TOMM20L: variants seen among roughly 807,000 people sequenced by gnomAD.
The protein encoded by TOMM20L is translocase of outer mitochondrial membrane 20 like.
A neutral mutation model predicts 20.4 loss-of-function variants in TOMM20L; 19 were observed. That is an observed-to-expected ratio of 0.93 (90% confidence interval 0.65 to 1.36). TOMM20L has a LOEUF of 1.36. Ranked by LOEUF, TOMM20L falls within the 40% of genes most tolerant of loss-of-function variation. The pLI, the probability that TOMM20L is intolerant of heterozygous loss-of-function variation, is 0.00. For synonymous variants in TOMM20L, 75 were observed against 79.6 expected (o/e 0.94, Z 0.30); for missense variants, 218 against 203.7 (o/e 1.07, Z -0.43).
At chr14:58,411,854 T>C (rs1346846570), downstream of TOMM20L, 3 of 1,541,856 alleles carry the variant, frequency 1.9e-6, no homozygotes, top group Non-Finnish European at 2.7e-6. Flanking sequence ...GTGGCATTAG[T>C]AGCACCTTAC....
intron 4 of TOMM20L, 39 bp downstream of exon 4, chr14:58,407,507 G>GT: frequency 6.3e-7 from 1 of 1,579,956 alleles, no homozygotes; most frequent in Non-Finnish European, 8.6e-7. Flanking sequence ...AATGTACACA[G>GT]TAAATAGCTA....
Position 58,405,956 on chromosome 14 carries a change from T to A in TOMM20L, c.263-1370T>A, listed in dbSNP as rs147016563. Among the ~76,000 whole-genome samples, 183 of 152,328 alleles carry A rather than the reference T, an allele frequency of 1.2e-3. 1 individual carries two copies. The Middle Eastern group carries it at 0.014, about 11-fold the overall frequency. On this transcript the variant is annotated intron_variant, in intron 3 of 4. Coordinates refer to ENST00000360945, the MANE Select transcript of TOMM20L (RefSeq NM_207377.3). ...GGAACCCAGGTGTCAATATTTTTTT[T>A]AAAAATCTCCCTGGGTTACTAAAAC... is the stretch of plus-strand genomic sequence containing the variant.
At chr14:58,410,971 G>T, downstream of TOMM20L, 7 of 1,514,490 alleles carry the variant, frequency 4.6e-6, no homozygotes, top group South Asian at 1.2e-5. Flanking sequence ...TTTAGTATTT[G>T]GTTTTTAAAA....
chr14:58,398,595 G>A (rs1278168081), intron 2 of TOMM20L: 1 of 152,082 alleles, frequency 6.6e-6, no homozygotes. Flanking sequence ...TGGTTCCAGT[G>A]TGGAGAAAGG....
the TOMM20L span, among the ~76,000 whole-genome samples, chr14:58,415,897 G>A: frequency 1.6e-4 from 25 of 152,012 alleles, no homozygotes; most frequent in Admixed American, 1.3e-3. Context: ...AACCTACATC[G>A]ACACATAATA....
chr14:58,406,279 G>A (rs996584237), intron 3 of TOMM20L, among the ~76,000 whole-genome samples: 7 of 152,162 alleles, frequency 4.6e-5, no homozygotes, highest in Non-Finnish European at 1.0e-4. Context: ...CTTCAGAACA[G>A]GCACCATTAT....
At position 58,408,598 on chromosome 14, in the gene TOMM20L, A is replaced by G; in HGVS notation, c.*16A>G. The stretch of plus-strand genomic sequence containing the variant: ...TCCTGATTGAAAAACATTTCAACGT[A>G]TCCACAGTCCAGTGAGAATACTATG... On this transcript the variant is annotated 3_prime_UTR_variant, in exon 5 of 5. Transcript: ENST00000360945. 6.2e-7 allele frequency: 1 copy of G among 1,611,888 alleles called. No individual in the cohort carries two copies. The highest frequency in any genetic ancestry group is 8.5e-7 in the Non-Finnish European group (1 of 1,178,140).
intron 2 of TOMM20L, among the ~76,000 whole-genome samples, chr14:58,397,974 A>G (rs1314642784): frequency 6.6e-6 from 1 of 152,190 alleles, no homozygotes; most frequent in African/African-American, 2.4e-5. Flanking sequence ...AATACAGTTC[A>G]TGCCGACTGA....
chr14:58,395,985 C>G lies in TOMM20L; in HGVS notation c.28C>G (p.Leu10Val), dbSNP rs530315795. Residue 10 changes from leucine to valine, a missense_variant, in exon 1 of 5, where the codon CTC (leucine) becomes GTC (valine). Coordinates refer to ENST00000360945, the MANE Select transcript of TOMM20L (RefSeq NM_207377.3). MPSVRSLLR[L>V]LAAAAACGAF... ...GCCCTCCGTCCGCTCCCTCCTCCGC[C>G]TCTTGGCCGCCGCGGCGGCCTGTGG... is the stretch of plus-strand genomic sequence containing the variant. 31 of 1,454,028 alleles carry G rather than the reference C, an allele frequency of 2.1e-5. No individual in the cohort carries two copies. In the Admixed American group the frequency reaches 6.7e-4, roughly 32 times the overall value. 90.1% of individuals were successfully genotyped at this position (1,454,028 alleles called of 1,614,324 possible).
intron 3 of TOMM20L, among the ~76,000 whole-genome samples, chr14:58,403,729 T>A (rs2036018695): frequency 6.6e-6 from 1 of 151,740 alleles, no homozygotes; most frequent in African/African-American, 2.4e-5. Flanking sequence ...TCCCAGCTAC[T>A]TGGGAGGCTG....
intron 3 of TOMM20L, among the ~76,000 whole-genome samples, chr14:58,406,080 C>T (rs1480705140): frequency 6.6e-6 from 1 of 152,130 alleles, no homozygotes; most frequent in Non-Finnish European, 1.5e-5. Flanking sequence ...TTGCTATCAC[C>T]CACAATTTTC....
chr14:58,410,236 A>T (rs1460675356), downstream of TOMM20L, among the ~76,000 whole-genome samples: 2 of 151,638 alleles, frequency 1.3e-5, no homozygotes, highest in East Asian at 1.9e-4. Flanking sequence ...ATGTCTAGCT[A>T]ATTTTTTTTT....
chr14:58,399,858 CA>C lies in TOMM20L; in HGVS notation c.181-2820del, dbSNP rs200224770. Among the ~76,000 whole-genome samples, 1,155 of 120,596 alleles carry C rather than the reference CA, an allele frequency of 9.6e-3. 21 individuals are homozygous for C. The highest frequency in any genetic ancestry group is 0.034 in the African/African-American group (1,097 of 31,976). 79.1% of individuals were successfully genotyped at this position (120,596 alleles called of 152,430 possible). A position where few individuals can be genotyped will look rare whatever the true frequency, so the allele number is the denominator to read the frequency against. ...AACTTCATCCATCATAAACAATGAC[CA>C]ATTCTTATTTTCAAATGCTCTATTG... On this transcript the variant is annotated intron_variant, in intron 2 of 4. Coordinates refer to ENST00000360945, the MANE Select transcript of TOMM20L (RefSeq NM_207377.3).
intron 3 of TOMM20L, among the ~76,000 whole-genome samples, chr14:58,405,084 T>A (rs1157343400): frequency 6.6e-6 from 1 of 151,896 alleles, no homozygotes; most frequent in East Asian, 1.9e-4. Flanking sequence ...TTCTCCGGCC[T>A]CAGCCTCCTA....
At chr14:58,416,948 A>G in the TOMM20L span, among the ~76,000 whole-genome samples, 1 of 152,138 alleles carries the variant, frequency 6.6e-6, no homozygotes. Flanking sequence ...TCCCCACCCA[A>G]ATCTCATCTT....
At chr14:58,414,415 C>G in the TOMM20L span, among the ~76,000 whole-genome samples, 1 of 152,112 alleles carries the variant, frequency 6.6e-6, no homozygotes, top group Non-Finnish European at 1.5e-5. Context: ...CATACCTATA[C>G]TTTCCTCCTT....
intron 2 of TOMM20L, among the ~76,000 whole-genome samples, chr14:58,401,787 G>A (rs2035996524): frequency 6.6e-6 from 1 of 152,088 alleles, no homozygotes; most frequent in Non-Finnish European, 1.5e-5. Flanking sequence ...GGCCATGGTC[G>A]CCTTCATGAA....
intron 4 of TOMM20L, among the ~76,000 whole-genome samples, 174 bp downstream of exon 4, chr14:58,407,642 G>A (rs566742370): frequency 3.7e-4 from 56 of 152,190 alleles, no homozygotes; most frequent in Non-Finnish European, 5.0e-4. Context: ...ATTTTCCTTT[G>A]ACTATAATAA....
At chr14:58,415,256 G>T in the TOMM20L span, among the ~76,000 whole-genome samples, 1 of 152,072 alleles carries the variant, frequency 6.6e-6, no homozygotes, top group African/African-American at 2.4e-5. Context: ...CAGATAAAAT[G>T]ATTAAATAAC....
Sources: gnomAD v4.1 joint callset for allele counts (sites outside exome capture counted in the v4.1 genomes callset) on GRCh38, gnomAD v4.1.1 for gene constraint, MANE v1.5 for transcripts, NCBI Gene and HGNC (gene_info 2026-07-23, HGNC 2026-07-21) for gene names.